ANAPC1: variants seen among roughly 807,000 people sequenced by gnomAD.
ANAPC1 encodes the protein anaphase promoting complex subunit 1.
In ANAPC1, 36 loss-of-function variants were observed where a neutral mutation model predicts 208.0. The observed-to-expected ratio is 0.17, with a 90% CI of 0.13 to 0.23. The LOEUF is 0.23. Ranked by LOEUF, ANAPC1 falls within the 10% of genes least tolerant of loss-of-function variation. The pLI is 1.00. For missense variants in ANAPC1, 942 were observed against 2,011.6 expected (o/e 0.47, Z 10.17); for synonymous variants, 378 against 695.2 (o/e 0.54, Z 7.18).
At chr2:111,883,191 CA>C (rs1176739350) in intron 1 of ANAPC1, among the ~76,000 whole-genome samples, 1 of 88,954 alleles carries the variant, frequency 1.1e-5, no homozygotes, top group African/African-American at 3.5e-5. Context: ...AAGAAAACCC[CA>C]CAAAAAAAAA....
rs1379390054 is a variant in ANAPC1, at chr2:111,873,649, A to G, written c.391T>C (p.Phe131Leu). The change falls in exon 4 of 48, where the codon TTC (phenylalanine) becomes CTC (leucine). Residue 131 changes from phenylalanine (F) to leucine (L), a missense_variant. Physicochemically the swap from Phe to Leu is conservative, Grantham distance 22. Transcript: ENST00000341068. ...TCAGACTTATCCTGTGATATAATGA[A>G]GTCACACCACAATGCCTAAAATCAA... is the stretch of plus-strand genomic sequence containing the variant. ...SPVQQALWCD[F>L]IISQDKSEKA... The G allele has an allele frequency of 6.3e-7, 1 of 1,589,006 alleles. No individual in the cohort carries two copies. The highest frequency in any genetic ancestry group is 1.2e-5 in the South Asian group (1 of 83,964).
At chr2:111,873,172 C>G (rs2104593222) in intron 5 of ANAPC1, 136 bp downstream of exon 5, 1 of 939,170 alleles carries the variant, frequency 1.1e-6, no homozygotes, top group South Asian at 2.5e-5. Context: ...CTAAAGCTGC[C>G]AAAATTTAGT....
chr2:111,840,644 T>C (rs1334269872), intron 17 of ANAPC1, among the ~76,000 whole-genome samples: 3 of 152,262 alleles, frequency 2.0e-5, no homozygotes, highest in South Asian at 4.2e-4. Flanking sequence ...AGCTGACGCG[T>C]TTTTTCATAA....
chr2:111,795,031 C>A, intron 34 of ANAPC1, 137 bp from the exon 35 acceptor site: 2 of 980,412 alleles, frequency 2.0e-6, no homozygotes, highest in Non-Finnish European at 1.5e-6. Flanking sequence ...CACTCAAAAG[C>A]CTATATTTTA....
At chr2:111,798,261 G>A (rs1419320805) in intron 34 of ANAPC1, among the ~76,000 whole-genome samples, 2 of 151,924 alleles carry the variant, frequency 1.3e-5, no homozygotes, top group Non-Finnish European at 2.9e-5. Context: ...CTGATTCCAA[G>A]TAAATTAACC....
At chr2:111,867,290 TAAAAA>T (rs1283762176) in intron 7 of ANAPC1, among the ~76,000 whole-genome samples, 2 of 150,240 alleles carry the variant, frequency 1.3e-5, no homozygotes, top group South Asian at 4.2e-4. Context: ...AACTCTGTCT[TAAAAA>T]AGAAAGAAAA....
chr2:111,840,644 T>G (rs1334269872), intron 17 of ANAPC1, among the ~76,000 whole-genome samples: 4 of 152,144 alleles, frequency 2.6e-5, no homozygotes, highest in Non-Finnish European at 4.4e-5. Flanking sequence ...AGCTGACGCG[T>G]TTTTTCATAA....
intron 42 of ANAPC1, among the ~76,000 whole-genome samples, chr2:111,783,586 T>C (rs1239981437): frequency 6.6e-6 from 1 of 152,150 alleles, no homozygotes; most frequent in South Asian, 2.1e-4. Context: ...AATGGACTAA[T>C]ACACTTTCTT....
At chr2:111,781,127 G>A (rs1230424548) in intron 43 of ANAPC1, among the ~76,000 whole-genome samples, 1 of 147,410 alleles carries the variant, frequency 6.8e-6, no homozygotes, top group Non-Finnish European at 1.5e-5. Flanking sequence ...ATCACTCAAG[G>A]TTCAAGATTG....
At chr2:111,798,021 T>A (rs1206581344) in intron 34 of ANAPC1, among the ~76,000 whole-genome samples, 2 of 130,088 alleles carry the variant, frequency 1.5e-5, no homozygotes, top group Non-Finnish European at 3.2e-5. Flanking sequence ...GCTCATAACC[T>A]TCTTGGCCTT....
chr2:111,831,954 C>T (rs1680164740), intron 20 of ANAPC1, among the ~76,000 whole-genome samples: 1 of 147,574 alleles, frequency 6.8e-6, no homozygotes, highest in Non-Finnish European at 1.5e-5. Context: ...TTTATCCCAC[C>T]CTGGATGGAA....
At chr2:111,860,076 T>C (rs976471596) in intron 10 of ANAPC1, among the ~76,000 whole-genome samples, 4 of 151,934 alleles carry the variant, frequency 2.6e-5, no homozygotes, top group Admixed American at 2.6e-4. Flanking sequence ...GGCAAGCAGG[T>C]TGCTTGAGCC....
chr2:111,847,808 G>C lies in ANAPC1; in HGVS notation c.1708C>G (p.Leu570Val). The C allele has an allele frequency of 1.2e-6, 2 of 1,604,178 alleles. No individual in the cohort carries two copies. Among genetic ancestry groups the C allele is most frequent in the South Asian group, 1.1e-5 (1 of 88,538 alleles). Residue 570 changes from leucine to valine, a missense_variant, in exon 15 of 48, where the codon CTC (leucine) becomes GTC (valine). By Grantham distance (32) the Leu-to-Val change is conservative (BLOSUM62 1). Transcript: ENST00000341068. ...LRDSSKLHDS[L>V]YNEDCTFQQL... is the part of the protein sequence containing the mutation. ...TGGAAAGTACAATCCTCATTATAGA[G>C]AGAATCATGAAGTTTTGAAGAATCC...
At chr2:111,807,661 C>A (rs1678755300) in intron 29 of ANAPC1, among the ~76,000 whole-genome samples, 1 of 151,464 alleles carries the variant, frequency 6.6e-6, no homozygotes, top group Admixed American at 6.6e-5. Context: ...CACTGTACTC[C>A]AGGCTGGGCA....
chr2:111,836,842 C>T (rs533737101), intron 18 of ANAPC1, among the ~76,000 whole-genome samples: 1 of 152,028 alleles, frequency 6.6e-6, no homozygotes, highest in African/African-American at 2.4e-5. Context: ...GTGGCACACA[C>T]CTGTAATTCT....
intron 43 of ANAPC1, among the ~76,000 whole-genome samples, chr2:111,782,051 C>T (rs1420515603): frequency 2.6e-5 from 4 of 152,148 alleles, no homozygotes; most frequent in African/African-American, 9.6e-5. Context: ...AAATCTTCAC[C>T]GATTTGAAGA....
chr2:111,801,464 C>G (rs1678441803), intron 33 of ANAPC1, among the ~76,000 whole-genome samples: 2 of 114,202 alleles, frequency 1.8e-5, no homozygotes, highest in Non-Finnish European at 3.7e-5. Context: ...TCAAATTAGC[C>G]TATAATTGAG....
chr2:111,861,507 A>G (rs2104555321), intron 10 of ANAPC1, among the ~76,000 whole-genome samples: 1 of 150,804 alleles, frequency 6.6e-6, no homozygotes, highest in East Asian at 2.0e-4. Flanking sequence ...GTCTTTCTCA[A>G]CTTCCCTGCC....
intron 21 of ANAPC1, among the ~76,000 whole-genome samples, chr2:111,828,372 GT>G (rs1489409756): frequency 2.0e-5 from 3 of 152,186 alleles, no homozygotes; most frequent in Non-Finnish European, 4.4e-5. Flanking sequence ...ATGAAAATGA[GT>G]TTAGCAGTTC....
Sources: gnomAD v4.1 joint callset for allele counts (sites outside exome capture counted in the v4.1 genomes callset) on GRCh38, gnomAD v4.1.1 for gene constraint, MANE v1.5 for transcripts, NCBI Gene and HGNC (gene_info 2026-07-23, HGNC 2026-07-21) for gene names.